DLG2: variants seen among roughly 807,000 people sequenced by gnomAD.
DLG2 encodes the protein discs large MAGUK scaffold protein 2.
A neutral mutation model predicts 132.5 loss-of-function variants in DLG2; 45 were observed. The observed-to-expected ratio is 0.34, with a 90% confidence interval of 0.27 to 0.44. DLG2 has a LOEUF of 0.44. DLG2 is among the 20% of genes least tolerant of loss of function. DLG2 has a pLI of 1.00. For synonymous variants in DLG2, 424 were observed against 419.6 expected (o/e 1.01, Z -0.13); for missense variants, 1,045 against 1,196.9 (o/e 0.87, Z 1.87).
intron 18 of DLG2, among the ~76,000 whole-genome samples, chr11:83,684,783 G>C (rs575827311): frequency 1.3e-5 from 2 of 152,078 alleles, no homozygotes; most frequent in South Asian, 4.1e-4. Context: ...TTTCTTCCCT[G>C]TCCATTTTCC....
At chr11:84,039,922 T>C (rs2096010634) in intron 11 of DLG2, among the ~76,000 whole-genome samples, 1 of 147,494 alleles carries the variant, frequency 6.8e-6, no homozygotes, top group Admixed American at 6.8e-5. Context: ...CTAACTGGTG[T>C]GAGATGGTAT....
chr11:84,666,011 A>T (rs1053651582), intron 6 of DLG2, among the ~76,000 whole-genome samples: 2 of 152,168 alleles, frequency 1.3e-5, no homozygotes, highest in East Asian at 3.9e-4. Flanking sequence ...CAATTTCTCT[A>T]GCATGTGTTG....
At chr11:85,324,049 C>T (rs1565324581) in intron 3 of DLG2, among the ~76,000 whole-genome samples, 1 of 152,150 alleles carries the variant, frequency 6.6e-6, no homozygotes, top group Non-Finnish European at 1.5e-5. Flanking sequence ...TCTCCTCTCA[C>T]CTCAGAAACC....
At chr11:84,734,577 C>T (rs2063578649) in intron 6 of DLG2, among the ~76,000 whole-genome samples, 1 of 152,176 alleles carries the variant, frequency 6.6e-6, no homozygotes, top group Admixed American at 6.5e-5. Flanking sequence ...ATCATGTCAT[C>T]TGCAGACAGG....
At chr11:83,886,418 C>A (rs1002862636) in intron 15 of DLG2, among the ~76,000 whole-genome samples, 2 of 152,162 alleles carry the variant, frequency 1.3e-5, no homozygotes, top group African/African-American at 4.8e-5. Flanking sequence ...TGTACATGCA[C>A]CCAATACATG....
At chr11:85,176,751 T>G (rs940671617) in intron 4 of DLG2, among the ~76,000 whole-genome samples, 8 of 151,994 alleles carry the variant, frequency 5.3e-5, no homozygotes, top group Admixed American at 5.2e-4. Flanking sequence ...ACATGGAATT[T>G]AAACAAATTT....
intron 12 of DLG2, among the ~76,000 whole-genome samples, chr11:83,969,568 T>C (rs189351720): frequency 7.2e-5 from 11 of 152,308 alleles, no homozygotes; most frequent in Non-Finnish European, 1.5e-5. Flanking sequence ...TAATGATTTA[T>C]TTTTTATTCT....
chr11:84,230,953 A>C (rs1185695808), intron 8 of DLG2, among the ~76,000 whole-genome samples: 2 of 152,230 alleles, frequency 1.3e-5, no homozygotes. Flanking sequence ...TACTGTTCAG[A>C]GAATGTAGCA....
chr11:84,192,792 T>A (rs533200919), intron 8 of DLG2, among the ~76,000 whole-genome samples: 2 of 152,242 alleles, frequency 1.3e-5, no homozygotes, highest in East Asian at 3.9e-4. Flanking sequence ...ATCAAATGTT[T>A]CTTATGAATT....
chr11:83,997,995 C>T (rs914383115), intron 11 of DLG2, among the ~76,000 whole-genome samples: 4 of 151,500 alleles, frequency 2.6e-5, no homozygotes, highest in East Asian at 1.9e-4. Flanking sequence ...ATTAGCTGGG[C>T]ATGGTGGTGT....
intron 7 of DLG2, among the ~76,000 whole-genome samples, chr11:84,417,994 C>A (rs1229654058): frequency 6.6e-6 from 1 of 152,134 alleles, no homozygotes; most frequent in African/African-American, 2.4e-5. Flanking sequence ...AAATTCCTTG[C>A]TGTCTATTAA....
At chr11:85,055,756 C>G (rs1325430103) in intron 6 of DLG2, among the ~76,000 whole-genome samples, 1 of 152,078 alleles carries the variant, frequency 6.6e-6, no homozygotes, top group African/African-American at 2.4e-5. Flanking sequence ...TAAGAACTTT[C>G]AACAATCACA....
intron 10 of DLG2, among the ~76,000 whole-genome samples, chr11:84,080,635 C>T (rs1199810161): frequency 6.6e-6 from 1 of 152,148 alleles, no homozygotes; most frequent in Non-Finnish European, 1.5e-5. Context: ...TTTTATTCAA[C>T]ATGCAGATAA....
chr11:84,414,761 C>T (rs1192222854), intron 7 of DLG2, among the ~76,000 whole-genome samples: 1 of 152,166 alleles, frequency 6.6e-6, no homozygotes, highest in South Asian at 2.1e-4. Context: ...AAAGTAGCTT[C>T]TTGCCACTTC....
chr11:84,115,623 G>A (rs894903600), intron 9 of DLG2, among the ~76,000 whole-genome samples: 1 of 152,048 alleles, frequency 6.6e-6, no homozygotes, highest in Non-Finnish European at 1.5e-5. Context: ...TTCTATCTTG[G>A]AGACTTTGTA....
At chr11:83,999,755 G>A (rs2094243305) in intron 11 of DLG2, among the ~76,000 whole-genome samples, 1 of 152,110 alleles carries the variant, frequency 6.6e-6, no homozygotes, top group South Asian at 2.1e-4. Context: ...TGCAAATAAT[G>A]CTGTTTAAAG....
chr11:84,183,756 T>C (rs987110958), intron 8 of DLG2, among the ~76,000 whole-genome samples: 15 of 152,082 alleles, frequency 9.9e-5, no homozygotes, highest in Non-Finnish European at 1.9e-4. Context: ...CCCCGGTGTG[T>C]GATGTTCCCC....
chr11:84,526,055 C>T (rs1366233163), intron 7 of DLG2, among the ~76,000 whole-genome samples: 2 of 152,130 alleles, frequency 1.3e-5, no homozygotes, highest in South Asian at 4.1e-4. Context: ...TTCTTTCACA[C>T]TTTCTTTATT....
At chr11:84,857,976 T>C (rs910676395) in intron 6 of DLG2, among the ~76,000 whole-genome samples, 1 of 152,020 alleles carries the variant, frequency 6.6e-6, no homozygotes, top group Non-Finnish European at 1.5e-5. Context: ...CACTGTAGCC[T>C]GGACTTTCCA....
Sources: gnomAD v4.1 joint callset for allele counts (sites outside exome capture counted in the v4.1 genomes callset) on GRCh38, gnomAD v4.1.1 for gene constraint, MANE v1.5 for transcripts, NCBI Gene and HGNC (gene_info 2026-07-23, HGNC 2026-07-21) for gene names.